CCDC88A: variants seen among roughly 807,000 people sequenced by gnomAD.
CCDC88A encodes the protein girdin.
Under a neutral mutation model 234.3 loss-of-function variants are expected in CCDC88A, and 54 were observed. That is an observed-to-expected ratio of 0.23 (90% CI 0.19 to 0.29). The LOEUF is 0.29. Ranked by LOEUF, CCDC88A falls within the 10% of genes least tolerant of loss-of-function variation. CCDC88A has a pLI of 1.00. For missense variants in CCDC88A, 1,832 were observed against 2,123.4 expected, an observed-to-expected ratio of 0.86 and a Z score of 2.70; for synonymous variants, 753 against 737.8, an observed-to-expected ratio of 1.02 and a Z score of -0.33.
At chr2:55,318,790 A>C in intron 19 of CCDC88A, 53 bp downstream of exon 19, 9 of 1,340,072 alleles carry the variant, frequency 6.7e-6, no homozygotes, top group Non-Finnish European at 9.2e-6. Flanking sequence ...CCCTTATTTT[A>C]ATAGCATAAT....
At position 55,386,459 on chromosome 2, in the gene CCDC88A, G is replaced by GTATTTTATTT. The variant is rs70954113; in HGVS notation, c.273+2309_273+2318dup. Reference sequence around the variant, plus strand: ...TTTTTTATTTTATTTTTTGTAGATTGTATTTTATTTTATTTTATTTTATTT... The same window carrying GTATTTTATTT: ...TTTTTTATTTTATTTTTTGTAGATTGTATTTTATTTTATTTTATTTTATTTTATTTTATTT... On this transcript the variant is annotated intron_variant, in intron 3 of 32. Transcript: ENST00000436346. 1.3e-3 allele frequency among the ~76,000 whole-genome samples: 187 copies of GTATTTTATTT among 145,818 alleles called. 1 individual carries two copies. Among genetic ancestry groups the GTATTTTATTT allele is most frequent in the East Asian group, 3.0e-3 (15 of 4,940 alleles).
At chr2:55,321,812 AACT>A (rs1683667478) in intron 18 of CCDC88A, among the ~76,000 whole-genome samples, 1 of 152,016 alleles carries the variant, frequency 6.6e-6, no homozygotes, top group African/African-American at 2.4e-5. Context: ...TAGGAAGATA[AACT>A]GTTTATAGTG....
chr2:55,289,746 CGAAA>C lies in CCDC88A; in HGVS notation c.*1450_*1453del, dbSNP rs1319137518. ...TGAACACAACATTGCTACTGGCCTA[CGAAA>C]GAGAGAGAGAAAGAGGGAGAGAGAA... On this transcript the variant is annotated 3_prime_UTR_variant, in exon 33 of 33. Transcript: ENST00000436346. 4 of 136,756 alleles carry C rather than the reference CGAAA, an allele frequency of 2.9e-5. No homozygotes were observed. The highest frequency in any genetic ancestry group is 8.0e-5 in the Admixed American group (1 of 12,486). The allele number at this position is 136,756 out of a possible 1,614,324, so 8.5% of individuals were successfully genotyped here. A position where few individuals can be genotyped will look rare whatever the true frequency, so the allele number is the denominator to read the frequency against.
chr2:55,384,611 GTA>G (rs1675247369), intron 3 of CCDC88A, among the ~76,000 whole-genome samples: 4 of 105,096 alleles, frequency 3.8e-5, no homozygotes, highest in Non-Finnish European at 7.1e-5. Context: ...GTATATATGT[GTA>G]TATATACGTA....
intron 2 of CCDC88A, among the ~76,000 whole-genome samples, chr2:55,393,469 T>C (rs1558808843): frequency 2.6e-5 from 4 of 151,778 alleles, no homozygotes; most frequent in Non-Finnish European, 5.9e-5. Context: ...TTTTTTTGTA[T>C]TTTTAGTAGT....
intron 23 of CCDC88A, among the ~76,000 whole-genome samples, chr2:55,310,829 A>T (rs972022251): frequency 5.3e-5 from 8 of 152,194 alleles, no homozygotes; most frequent in Non-Finnish European, 1.0e-4. Flanking sequence ...AAAAGTTGTT[A>T]ACAAGGCTGG....
At position 55,318,848 on chromosome 2, in the gene CCDC88A, G is replaced by C; in HGVS notation, c.3319C>G (p.Leu1107Val). The C allele has an allele frequency of 6.3e-7, 1 of 1,594,156 alleles. No individual in the cohort carries two copies. Among genetic ancestry groups the C allele is most frequent in the Non-Finnish European group, 8.6e-7 (1 of 1,167,512 alleles). Residue 1107 changes from leucine (L) to valine (V), a missense_variant, in exon 19 of 33, where the codon CTT (leucine) becomes GTT (valine). Around this residue, in one of 6 missense-constraint regions of CCDC88A, gnomAD observed 1,282 missense variants for 1,543.6 expected, o/e 0.83. Coordinates refer to ENST00000436346, the MANE Select transcript of CCDC88A (RefSeq NM_001365480.1). ...NTTLQTQNAK[L>V]QVENSTLNSQ... is the part of the protein sequence containing the mutation. ...CCAAAATATTATATTACAACCTGAA[G>C]CTTGGCATTCTGTGTTTGAAGAGTG... is the stretch of plus-strand genomic sequence containing the variant.
rs1682065738 is a variant in CCDC88A, at chr2:55,309,601, T to TAGG, written c.4080-350_4080-348dup. Reference sequence around the variant, plus strand: ...TATTTTTCTTTTCGGCAGAATTACTTAGGTTTGATTTACTTGTAGAGAACC... The same window carrying TAGG: ...TATTTTTCTTTTCGGCAGAATTACTTAGGAGGTTTGATTTACTTGTAGAGAACC... On this transcript the variant is annotated intron_variant, in intron 23 of 32. Transcript: ENST00000436346. The surrounding 1 kb of genome is among the most constrained non-coding windows in gnomAD (Gnocchi z 5.1). Among the ~76,000 whole-genome samples the TAGG allele has an allele frequency of 6.6e-6, 1 of 152,298 alleles. No homozygotes were observed. Among genetic ancestry groups the TAGG allele is most frequent in the East Asian group, 1.9e-4 (1 of 5,190 alleles).
At chr2:55,347,402 A>T (rs1271755661) in intron 9 of CCDC88A, among the ~76,000 whole-genome samples, 3 of 152,124 alleles carry the variant, frequency 2.0e-5, no homozygotes, top group Non-Finnish European at 4.4e-5. Flanking sequence ...AGGGCAGAGT[A>T]AAGTTTTCCA....
intron 8 of CCDC88A, among the ~76,000 whole-genome samples, chr2:55,353,982 G>A (rs1052452588): frequency 1.3e-5 from 2 of 152,192 alleles, no homozygotes; most frequent in Middle Eastern, 3.4e-3. Context: ...ATATACCTAG[G>A]CTATATGGTA....
intron 22 of CCDC88A, chr2:55,315,069 T>A (rs1299106166): frequency 6.6e-6 from 1 of 152,304 alleles, no homozygotes; most frequent in African/African-American, 2.4e-5. Flanking sequence ...GAAGACCCAC[T>A]GAGGCTGACT....
intron 2 of CCDC88A, among the ~76,000 whole-genome samples, chr2:55,409,031 T>C (rs1240715332): frequency 3.3e-5 from 5 of 152,252 alleles, no homozygotes; most frequent in African/African-American, 7.2e-5. Context: ...CGTCAGTTTC[T>C]GAGCAGCTAA....
chr2:55,408,991 C>T (rs1231484645), intron 2 of CCDC88A, among the ~76,000 whole-genome samples: 1 of 151,236 alleles, frequency 6.6e-6, no homozygotes, highest in Non-Finnish European at 1.5e-5. Context: ...TTCAGAATTT[C>T]CAATTCTGAA....
intron 25 of CCDC88A, among the ~76,000 whole-genome samples, chr2:55,306,954 CTG>C (rs1681657166): frequency 6.6e-6 from 1 of 152,178 alleles, no homozygotes; most frequent in Admixed American, 6.5e-5. Context: ...AGCCAAAACA[CTG>C]TGAATAGTTT....
chr2:55,387,176 C>CAAAAAAA (rs869311337), intron 3 of CCDC88A, among the ~76,000 whole-genome samples: 23 of 69,768 alleles, frequency 3.3e-4, no homozygotes, highest in South Asian at 6.2e-4. Context: ...GATTCCATCT[C>CAAAAAAA]AAAAAAAAAA....
intron 2 of CCDC88A, among the ~76,000 whole-genome samples, chr2:55,392,150 G>C (rs1033468764): frequency 6.6e-6 from 1 of 152,086 alleles, no homozygotes; most frequent in South Asian, 2.1e-4. Flanking sequence ...TAATATATGG[G>C]CCTGGCTTTG....
chr2:55,365,489 CG>C (rs1191722619), intron 5 of CCDC88A, among the ~76,000 whole-genome samples: 1 of 152,038 alleles, frequency 6.6e-6, no homozygotes, highest in Non-Finnish European at 1.5e-5. Flanking sequence ...ATTCAACTGC[CG>C]TATCTTTCTC....
At chr2:55,413,426 T>G (rs1680827570) in intron 2 of CCDC88A, among the ~76,000 whole-genome samples, 1 of 152,172 alleles carries the variant, frequency 6.6e-6, no homozygotes, top group African/African-American at 2.4e-5. Context: ...TCCCATCTTA[T>G]AAATGTAGGA....
rs1558787676 is a variant in CCDC88A, at chr2:55,384,539, A to G, written c.273+4239T>C. On this transcript the variant is annotated intron_variant, in intron 3 of 32. Coordinates refer to ENST00000436346, the MANE Select transcript of CCDC88A (RefSeq NM_001365480.1). Reference sequence around the variant, plus strand: ...ATAAATTATATATATATACATATATACGTATATATGTGTATATATACACAT... The same window carrying G: ...ATAAATTATATATATATACATATATGCGTATATATGTGTATATATACACAT... 6.1e-3 allele frequency among the ~76,000 whole-genome samples: 405 copies of G among 66,228 alleles called. 120 individuals are homozygous for G. The highest frequency in any genetic ancestry group is 0.021 in the African/African-American group (386 of 18,146). The allele number at this position is 66,228 out of a possible 152,430, so 43.4% of individuals were successfully genotyped here.
Sources: gnomAD v4.1 joint callset for allele counts (sites outside exome capture counted in the v4.1 genomes callset) on GRCh38, gnomAD v4.1.1 for gene constraint, gnomAD v4.1.1 regional missense constraint, Gnocchi (gnomAD v3.1) non-coding constraint, MANE v1.5 for transcripts, NCBI Gene and HGNC (gene_info 2026-07-23, HGNC 2026-07-21) for gene names.